IRAK3: variants seen among roughly 807,000 people sequenced by gnomAD.
IRAK3 encodes interleukin 1 receptor associated kinase 3.
IRAK3 carries 57 observed loss-of-function variants against 56.6 expected under a neutral mutation model. The observed-to-expected ratio is 1.01, with a 90% CI of 0.81 to 1.26. The LOEUF (loss-of-function observed/expected upper bound fraction) is 1.26, where lower values mean the gene tolerates loss of function less well. IRAK3 is among the 50% of genes most tolerant of loss of function. The probability of loss-of-function intolerance (pLI) is 0.00; values close to 1 mark genes in which losing one functional copy is unlikely to be tolerated. For missense variants in IRAK3, 703 were observed against 719.0 expected (o/e 0.98, Z 0.25); for synonymous variants, 258 against 255.7 (o/e 1.01, Z -0.09).
chr12:66,221,110 G>A (rs1445597682), intron 6 of IRAK3, among the ~76,000 whole-genome samples: 1 of 152,016 alleles, frequency 6.6e-6, no homozygotes, highest in Non-Finnish European at 1.5e-5. Flanking sequence ...ATTCCTAAGT[G>A]TTTTATTCTT....
In IRAK3 at chr12:66,244,940, C is replaced by T; in HGVS notation, c.1087-8C>T. The T allele has an allele frequency of 6.3e-7, 1 of 1,598,182 alleles. No individual in the cohort carries two copies. The highest frequency in any genetic ancestry group is 8.6e-7 in the Non-Finnish European group (1 of 1,165,744). On this transcript the variant is annotated splice_region_variant and splice_polypyrimidine_tract_variant and intron_variant, in intron 9 of 11. Coordinates refer to ENST00000261233, the MANE Select transcript of IRAK3 (RefSeq NM_007199.3). ...ATATATAGCTGACTTTCTATATATT[C>T]CTTGTAGGTAATAATGGAAGTTCTA...
chr12:66,214,539 A>AAAAAGAAAACAAAACAAAAC (rs2052646839), intron 5 of IRAK3, among the ~76,000 whole-genome samples: 2 of 147,882 alleles, frequency 1.4e-5, no homozygotes, highest in Non-Finnish European at 3.0e-5. Context: ...AGACCCTATC[A>AAAAAGAAAACAAAACAAAAC]AAAACAAAAC....
intron 4 of IRAK3, among the ~76,000 whole-genome samples, chr12:66,210,525 A>G (rs947368128): frequency 4.6e-5 from 7 of 152,164 alleles, no homozygotes; most frequent in Non-Finnish European, 1.5e-5. Context: ...TGAGATTTAT[A>G]TAGTTTTAGA....
chr12:66,207,619 A>G (rs1177574196), intron 2 of IRAK3, among the ~76,000 whole-genome samples: 1 of 151,804 alleles, frequency 6.6e-6, no homozygotes, highest in African/African-American at 2.4e-5. Flanking sequence ...TAGTTTACTG[A>G]TTTGATGCCT....
At chr12:66,194,870 C>T (rs912039202) in intron 1 of IRAK3, among the ~76,000 whole-genome samples, 1 of 151,468 alleles carries the variant, frequency 6.6e-6, no homozygotes, top group Admixed American at 6.6e-5. Flanking sequence ...GATTTCTTCT[C>T]TTCTTATAGA....
In IRAK3 at chr12:66,247,818, G is replaced by A; in HGVS notation, c.1438G>A (p.Glu480Lys). ...FLENVPSIPV[E>K]DDESQNNNLL... ...GGAGAATGTACCAAGTATTCCAGTG[G>A]AAGATGATGAAAGCCAGAATAACAA... is the stretch of plus-strand genomic sequence containing the variant. Residue 480 changes from glutamate (E) to lysine (K), a missense_variant, in exon 12 of 12, where the codon GAA becomes AAA. Transcript: ENST00000261233. 3.1e-6 allele frequency: 5 copies of A among 1,614,072 alleles called. No individual in the cohort carries two copies. The highest frequency in any genetic ancestry group is 4.2e-6 in the Non-Finnish European group (5 of 1,179,940).
At chr12:66,242,687 C>G (rs566832878) in intron 8 of IRAK3, among the ~76,000 whole-genome samples, 1 of 152,266 alleles carries the variant, frequency 6.6e-6, no homozygotes, top group South Asian at 2.1e-4. Flanking sequence ...GGCCCTAGAG[C>G]TCAGAAGGTG....
intron 2 of IRAK3, among the ~76,000 whole-genome samples, chr12:66,207,192 C>T (rs2052566243): frequency 6.6e-6 from 1 of 152,084 alleles, no homozygotes; most frequent in African/African-American, 2.4e-5. Flanking sequence ...CTATTTCGGC[C>T]AGGCGAGGTA....
chr12:66,232,988 ATAT>A (rs147774283), intron 8 of IRAK3, among the ~76,000 whole-genome samples: 8,094 of 149,524 alleles, frequency 0.054, 603 homozygotes, highest in East Asian at 0.4. Flanking sequence ...TAACCCTTTG[ATAT>A]TATTATTATT....
At chr12:66,197,594 AG>A in intron 1 of IRAK3, 4 of 985,460 alleles carry the variant, frequency 4.1e-6, no homozygotes, top group African/African-American at 1.7e-5. Context: ...CCAGTCCGGA[AG>A]CAATCCATGC....
At chr12:66,203,566 T>C in intron 1 of IRAK3, 145 bp from the exon 2 acceptor site, 1 of 770,616 alleles carries the variant, frequency 1.3e-6, no homozygotes, top group Non-Finnish European at 2.2e-6. Context: ...GGTGAATATA[T>C]TCCAAATTAG....
intron 6 of IRAK3, among the ~76,000 whole-genome samples, chr12:66,219,692 T>C (rs2052711974): frequency 6.6e-6 from 1 of 152,224 alleles, no homozygotes; most frequent in Non-Finnish European, 1.5e-5. Context: ...CTTCTTTTTC[T>C]CCATACCCTC....
chr12:66,225,569 C>A (rs1038742495), intron 6 of IRAK3, among the ~76,000 whole-genome samples: 17 of 151,870 alleles, frequency 1.1e-4, no homozygotes, highest in Non-Finnish European at 2.4e-4. Context: ...ATTTTAATAT[C>A]CCCAAGCCTG....
intron 1 of IRAK3, among the ~76,000 whole-genome samples, chr12:66,193,161 C>T (rs899812104): frequency 6.6e-6 from 1 of 152,018 alleles, no homozygotes; most frequent in Non-Finnish European, 1.5e-5. Flanking sequence ...GCATGCACCA[C>T]CATGCCCGGC....
chr12:66,199,254 T>G (rs369598570), intron 1 of IRAK3, among the ~76,000 whole-genome samples: 1 of 152,142 alleles, frequency 6.6e-6, no homozygotes, highest in East Asian at 1.9e-4. Context: ...ACAAGAACAT[T>G]TGTTATTAAG....
At chr12:66,215,717 T>G (rs1428071157) in intron 5 of IRAK3, among the ~76,000 whole-genome samples, 1 of 151,776 alleles carries the variant, frequency 6.6e-6, no homozygotes, top group Non-Finnish European at 1.5e-5. Flanking sequence ...TCTCTTAAGG[T>G]GGTAAATGAA....
rs1272183746 is a variant in IRAK3, at chr12:66,250,852, C to G, written c.*2681C>G. The G allele has an allele frequency of 6.6e-6, 1 of 152,206 alleles. No individual in the cohort carries two copies. The highest frequency in any genetic ancestry group is 1.5e-5 in the Non-Finnish European group (1 of 68,038). 9.4% of individuals were successfully genotyped at this position (152,206 alleles called of 1,614,324 possible). A position where few individuals can be genotyped will look rare whatever the true frequency, so the allele number is the denominator to read the frequency against. On this transcript the variant is annotated 3_prime_UTR_variant, in exon 12 of 12. Coordinates refer to ENST00000261233, the MANE Select transcript of IRAK3 (RefSeq NM_007199.3). ...TGCTGGGTCCACCCAGCTTCTGATGCAATAGGTCTGGGGTTAGAAATTTTG... is the reference window on the plus strand; with the variant it reads ...TGCTGGGTCCACCCAGCTTCTGATGGAATAGGTCTGGGGTTAGAAATTTTG...
rs138758238 is a variant in IRAK3 at position 66,241,990 on chromosome 12, T to TTG, written c.888-2480_888-2479dup. On this transcript the variant is annotated intron_variant, in intron 8 of 11. Coordinates refer to ENST00000261233, the MANE Select transcript of IRAK3 (RefSeq NM_007199.3). ...TGTACTTAAAAGATTCAGGGTTTTT[T>TTG]TGTGTGTGTGTGTGTGTTTCAAAAA... Among the ~76,000 whole-genome samples, 179 of 151,888 alleles carry TTG rather than the reference T, an allele frequency of 1.2e-3. 1 individual carries two copies. The highest frequency in any genetic ancestry group is 1.8e-3 in the Admixed American group (28 of 15,246).
At position 66,252,877 on chromosome 12, in the gene IRAK3, G is replaced by C. The variant is rs2053114301; in HGVS notation, c.*4706G>C. The C allele has an allele frequency of 1.3e-5, 2 of 152,364 alleles. No individual in the cohort carries two copies. The highest frequency in any genetic ancestry group is 6.5e-5 in the Admixed American group (1 of 15,292). The allele number at this position is 152,364 out of a possible 1,614,324, so 9.4% of individuals were successfully genotyped here. Reference sequence around the variant, plus strand: ...TGTGACAGATTCTATTCTTCTATTGGTATGTGGTTTCTTTGGGGCATTTGT... The same window carrying C: ...TGTGACAGATTCTATTCTTCTATTGCTATGTGGTTTCTTTGGGGCATTTGT... On this transcript the variant is annotated 3_prime_UTR_variant, in exon 12 of 12. Coordinates refer to ENST00000261233, the MANE Select transcript of IRAK3 (RefSeq NM_007199.3).
Sources: allele counts gnomAD v4.1 joint callset (sites outside exome capture counted in the v4.1 genomes callset), GRCh38; gene constraint gnomAD v4.1.1; transcripts MANE v1.5; gene names NCBI Gene and HGNC (gene_info 2026-07-23, HGNC 2026-07-21).